AKAP13: variants seen among roughly 807,000 people sequenced by gnomAD.
The protein encoded by AKAP13 is A-kinase anchoring protein 13.
A neutral mutation model predicts 264.5 loss-of-function variants in AKAP13; 80 were observed. The observed-to-expected ratio is 0.30, with a 90% CI of 0.25 to 0.36. The LOEUF (loss-of-function observed/expected upper bound fraction) is 0.36. Among genes scored for constraint, AKAP13 ranks in the 10% least tolerant of loss-of-function variants. The pLI is 1.00. For synonymous variants in AKAP13, 1,380 were observed against 1,250.2 expected (o/e 1.10, Z -2.19); for missense variants, 3,712 against 3,435.2 (o/e 1.08, Z -2.01).
intron 2 of AKAP13, among the ~76,000 whole-genome samples, chr15:85,502,816 T>C (rs2076071124): frequency 6.6e-6 from 1 of 152,204 alleles, no homozygotes; most frequent in African/African-American, 2.4e-5. Flanking sequence ...CTCCTAAATT[T>C]CCATATGACA....
At chr15:85,428,327 G>C (rs2072885577) in intron 1 of AKAP13, among the ~76,000 whole-genome samples, 1 of 152,146 alleles carries the variant, frequency 6.6e-6, no homozygotes, top group South Asian at 2.1e-4. Flanking sequence ...AGCCTCCCAA[G>C]CAGCTGGGAT....
chr15:85,494,832 T>C (rs547082691), intron 2 of AKAP13, among the ~76,000 whole-genome samples: 1 of 152,140 alleles, frequency 6.6e-6, no homozygotes, highest in African/African-American at 2.4e-5. Flanking sequence ...AGAGAAGTTA[T>C]AGTATAAGAT....
intron 1 of AKAP13, among the ~76,000 whole-genome samples, chr15:85,445,740 CAG>C (rs982963791): frequency 1.3e-5 from 2 of 152,116 alleles, no homozygotes; most frequent in Non-Finnish European, 2.9e-5. Flanking sequence ...AAGGCACAAA[CAG>C]AGAGAGCTAA....
intron 8 of AKAP13, among the ~76,000 whole-genome samples, chr15:85,595,729 C>G (rs1490784983): frequency 6.6e-6 from 1 of 152,130 alleles, no homozygotes; most frequent in Non-Finnish European, 1.5e-5. Context: ...TTTACTTTCA[C>G]AATACGCTCA....
chr15:85,719,050 A>T, intron 22 of AKAP13, 26 bp from the exon 23 acceptor site: 1 of 1,611,352 alleles, frequency 6.2e-7, no homozygotes, highest in Non-Finnish European at 8.5e-7. Flanking sequence ...AGTGTTCCTG[A>T]CACTTGATCT....
At chr15:85,438,928 A>G (rs2150948492) in intron 1 of AKAP13, among the ~76,000 whole-genome samples, 1 of 145,910 alleles carries the variant, frequency 6.9e-6, no homozygotes, top group Admixed American at 6.8e-5. Context: ...CATGTCCAAA[A>G]CACCAAAAGC....
At chr15:85,617,037 A>G (rs55639123) in intron 8 of AKAP13, among the ~76,000 whole-genome samples, 21,867 of 152,296 alleles carry the variant, frequency 0.14, 2,124 homozygotes, top group Non-Finnish European at 0.22. Context: ...TGTCTCAAAC[A>G]GTAATCTAGG....
chr15:85,709,202 T>C lies in AKAP13; in HGVS notation c.5532+1116T>C, dbSNP rs1009896701. ...ATTTATAACCCTTGGCTCCCTGATATTTCCCTGTACCCAGCACTCCCAGTT... is the reference window on the plus strand; with the variant it reads ...ATTTATAACCCTTGGCTCCCTGATACTTCCCTGTACCCAGCACTCCCAGTT... On this transcript the variant is annotated intron_variant, in intron 18 of 36. Transcript: ENST00000394518. Among the ~76,000 whole-genome samples the C allele has an allele frequency of 5.3e-5, 8 of 152,346 alleles. No individual in the cohort carries two copies. In the South Asian group the frequency reaches 1.7e-3, roughly 32 times the overall value.
At chr15:85,711,207 A>G (rs1386544498) in intron 19 of AKAP13, among the ~76,000 whole-genome samples, 2 of 152,108 alleles carry the variant, frequency 1.3e-5, no homozygotes, top group Non-Finnish European at 2.9e-5. Context: ...CTGAGAAGTT[A>G]TAGAAAATAG....
At chr15:85,660,121 G>A (rs916456575) in intron 12 of AKAP13, among the ~76,000 whole-genome samples, 1 of 152,092 alleles carries the variant, frequency 6.6e-6, no homozygotes, top group Non-Finnish European at 1.5e-5. Flanking sequence ...GGGAGGCTGA[G>A]CCAGATGGAT....
intron 1 of AKAP13, among the ~76,000 whole-genome samples, chr15:85,399,519 A>AAAAAAAAAAAAAAAAAAAT (rs2071303352): frequency 8.0e-6 from 1 of 124,576 alleles, no homozygotes; most frequent in African/African-American, 3.3e-5. Flanking sequence ...AAAAAAAAAA[A>AAAAAAAAAAAAAAAAAAAT]AAATAAAAAA....
rs3833026 is a variant in AKAP13 at position 85,747,371 on chromosome 15, T to TATCA, written c.*2695_*2698dup. 32,569 of 152,140 alleles carry TATCA rather than the reference T, an allele frequency of 0.21. 3,615 individuals carry two copies. The highest frequency in any genetic ancestry group is 0.35 in the East Asian group (1,804 of 5,132). 9.4% of individuals were successfully genotyped at this position (152,140 alleles called of 1,614,324 possible). A position where few individuals can be genotyped will look rare whatever the true frequency, so the allele number is the denominator to read the frequency against. The stretch of plus-strand genomic sequence containing the variant: ...GGATCTAATGGCCTGTCTTGGTTTC[T>TATCA]ATCACATGAGAAGGGGTTGTTTTTT... On this transcript the variant is annotated 3_prime_UTR_variant, in exon 37 of 37. Transcript: ENST00000394518.
intron 17 of AKAP13, among the ~76,000 whole-genome samples, chr15:85,706,389 G>T (rs911256134): frequency 3.9e-5 from 6 of 152,154 alleles, no homozygotes; most frequent in Admixed American, 6.6e-5. Context: ...CTTGCTGTGG[G>T]TCCAGCAGCC....
chr15:85,564,988 C>T (rs932231092), intron 5 of AKAP13, among the ~76,000 whole-genome samples: 10 of 152,138 alleles, frequency 6.6e-5, no homozygotes, highest in African/African-American at 1.9e-4. Flanking sequence ...AGATACAATT[C>T]AGGGCTCCCA....
intron 9 of AKAP13, among the ~76,000 whole-genome samples, chr15:85,641,100 A>G (rs879672490): frequency 6.6e-6 from 1 of 152,068 alleles, no homozygotes; most frequent in African/African-American, 2.4e-5. Flanking sequence ...AGGTTTCTGT[A>G]TTTTACTTTA....
At chr15:85,502,867 T>C (rs1460180252) in intron 2 of AKAP13, among the ~76,000 whole-genome samples, 1 of 152,238 alleles carries the variant, frequency 6.6e-6, no homozygotes, top group Non-Finnish European at 1.5e-5. Context: ...ATTTGCCATT[T>C]AGTTAAAATT....
chr15:85,575,556 G>T (rs541900863), intron 6 of AKAP13, among the ~76,000 whole-genome samples: 1 of 152,180 alleles, frequency 6.6e-6, no homozygotes, highest in African/African-American at 2.4e-5. Flanking sequence ...GGCCGGCCTG[G>T]TGGCGGGCGC....
chr15:85,683,972 G>T (rs543842832), intron 15 of AKAP13, among the ~76,000 whole-genome samples: 1 of 152,278 alleles, frequency 6.6e-6, no homozygotes, highest in African/African-American at 2.4e-5. Flanking sequence ...GAACCTAGCT[G>T]CATGGACCAG....
At chr15:85,517,975 G>T (rs1215809069) in intron 2 of AKAP13, among the ~76,000 whole-genome samples, 3 of 152,178 alleles carry the variant, frequency 2.0e-5, no homozygotes, top group African/African-American at 7.2e-5. Flanking sequence ...TCTTCCTGAG[G>T]TTGGGTCAAA....
Sources: gnomAD v4.1 joint callset for allele counts (sites outside exome capture counted in the v4.1 genomes callset) on GRCh38, gnomAD v4.1.1 for gene constraint, MANE v1.5 for transcripts, NCBI Gene and HGNC (gene_info 2026-07-23, HGNC 2026-07-21) for gene names.